DCC: variants seen among roughly 807,000 people sequenced by gnomAD.
DCC encodes netrin receptor DCC.
Under a neutral mutation model 172.5 loss-of-function variants are expected in DCC, and 58 were observed. That is an observed-to-expected ratio of 0.34 (90% CI 0.27 to 0.42). DCC has a LOEUF of 0.42. Ranked by LOEUF, DCC falls within the 10% of genes least tolerant of loss-of-function variation. The pLI is 1.00. For missense variants in DCC, 1,740 were observed against 1,791.0 expected, an observed-to-expected ratio of 0.97 and a Z score of 0.51; for synonymous variants, 709 against 644.5, an observed-to-expected ratio of 1.10 and a Z score of -1.52.
chr18:53,477,689 A>C (rs2045782595), intron 25 of DCC, among the ~76,000 whole-genome samples: 1 of 152,218 alleles, frequency 6.6e-6, no homozygotes, highest in African/African-American at 2.4e-5. Context: ...CTTAAAACTC[A>C]CAGAGAAAAT....
chr18:52,841,805 C>T (rs558524534), intron 2 of DCC, among the ~76,000 whole-genome samples: 1 of 152,036 alleles, frequency 6.6e-6, no homozygotes, highest in Non-Finnish European at 1.5e-5. Flanking sequence ...GCCATTCCCC[C>T]CTCCTCCCAT....
intron 7 of DCC, among the ~76,000 whole-genome samples, chr18:53,081,951 C>T (rs1240688343): frequency 6.6e-6 from 1 of 152,058 alleles, no homozygotes; most frequent in African/African-American, 2.4e-5. Flanking sequence ...TACACTTTTG[C>T]ACAGTCTGTC....
chr18:52,398,358 C>G (rs1157012067), intron 1 of DCC, among the ~76,000 whole-genome samples: 1 of 151,992 alleles, frequency 6.6e-6, no homozygotes, highest in Non-Finnish European at 1.5e-5. Context: ...AAAGTTCATT[C>G]CACTCTCATC....
chr18:52,666,094 C>A (rs1295968653), intron 1 of DCC, among the ~76,000 whole-genome samples: 1 of 152,070 alleles, frequency 6.6e-6, no homozygotes, highest in African/African-American at 2.4e-5. Context: ...CAAGACCAGC[C>A]TGGCCAACAC....
At chr18:53,232,675 A>G (rs2056140935) in intron 12 of DCC, among the ~76,000 whole-genome samples, 1 of 152,180 alleles carries the variant, frequency 6.6e-6, no homozygotes, top group Non-Finnish European at 1.5e-5. Flanking sequence ...GTGTCCGGCT[A>G]AATCGAAAAT....
Position 52,761,908 on chromosome 18 carries a change from C to CAA in DCC, c.412+9550_412+9551dup, listed in dbSNP as rs1222086354. On this transcript the variant is annotated intron_variant, in intron 2 of 28. Transcript: ENST00000442544. The stretch of plus-strand genomic sequence containing the variant: ...TGGGTGAAAGAGTGAGACTCTGTCT[C>CAA]AAAAAAAAAAAAAAAAAGAAAAAAA... 3.8e-3 allele frequency among the ~76,000 whole-genome samples: 184 copies of CAA among 48,256 alleles called. 5 individuals carry two copies. The highest frequency in any genetic ancestry group is 9.6e-3 in the African/African-American group (161 of 16,718). The allele number at this position is 48,256 out of a possible 152,430, so 31.7% of individuals were successfully genotyped here.
intron 5 of DCC, among the ~76,000 whole-genome samples, chr18:53,015,024 A>T (rs1568245663): frequency 6.6e-6 from 1 of 152,204 alleles, no homozygotes; most frequent in African/African-American, 2.4e-5. Context: ...GGGAAGGAAA[A>T]TACAAATGTA....
intron 1 of DCC, among the ~76,000 whole-genome samples, chr18:52,410,504 G>A (rs932274913): frequency 6.6e-6 from 1 of 152,130 alleles, no homozygotes; most frequent in African/African-American, 2.4e-5. Context: ...TATAAGGAAA[G>A]CCTTCACATT....
chr18:53,104,454 C>T (rs2043216424), intron 7 of DCC, among the ~76,000 whole-genome samples: 1 of 152,044 alleles, frequency 6.6e-6, no homozygotes, highest in South Asian at 2.1e-4. Context: ...TAAGATGTGA[C>T]TTGCTCCTCC....
intron 12 of DCC, among the ~76,000 whole-genome samples, chr18:53,228,333 T>C (rs1027847526): frequency 2.0e-5 from 3 of 152,178 alleles, no homozygotes; most frequent in African/African-American, 7.2e-5. Flanking sequence ...CAATGAAGAA[T>C]TTAAAGGTTA....
chr18:53,515,360 C>A (rs1358874131), intron 27 of DCC, among the ~76,000 whole-genome samples: 1 of 150,580 alleles, frequency 6.6e-6, no homozygotes, highest in Non-Finnish European at 1.5e-5. Flanking sequence ...TGGGCAAAAA[C>A]TGGAAGCATT....
intron 12 of DCC, among the ~76,000 whole-genome samples, chr18:53,261,782 A>T (rs2056606896): frequency 6.6e-6 from 1 of 152,140 alleles, no homozygotes; most frequent in African/African-American, 2.4e-5. Flanking sequence ...TACAAGCGTG[A>T]GCCACTGCGA....
intron 1 of DCC, among the ~76,000 whole-genome samples, chr18:52,746,327 A>C (rs1323302158): frequency 6.6e-6 from 1 of 152,212 alleles, no homozygotes. Flanking sequence ...AATTATGCAT[A>C]GCAAGTTCTA....
intron 1 of DCC, among the ~76,000 whole-genome samples, chr18:52,597,454 C>T (rs1047926982): frequency 2.6e-5 from 4 of 152,172 alleles, no homozygotes; most frequent in African/African-American, 7.2e-5. Flanking sequence ...GTCAATATTG[C>T]TTTTGCTACT....
At chr18:53,329,318 T>G (rs900898731) in intron 14 of DCC, among the ~76,000 whole-genome samples, 6 of 152,016 alleles carry the variant, frequency 3.9e-5, no homozygotes, top group South Asian at 2.1e-4. Context: ...TCATAACATT[T>G]TATTACAAAA....
At chr18:52,623,365 A>G (rs1475955829) in intron 1 of DCC, among the ~76,000 whole-genome samples, 1 of 152,174 alleles carries the variant, frequency 6.6e-6, no homozygotes, top group Non-Finnish European at 1.5e-5. Context: ...AGCATTAGGA[A>G]CTGAATCAGG....
rs539812739 is a variant in DCC at position 52,809,718 on chromosome 18, G to A, written c.412+57344G>A. Reference sequence around the variant, plus strand: ...GCCCTAACAAACACAGACCAGAAGAGCGTGCAGTTGCAAGATTTCATAGAG... The same window carrying A: ...GCCCTAACAAACACAGACCAGAAGAACGTGCAGTTGCAAGATTTCATAGAG... On this transcript the variant is annotated intron_variant, in intron 2 of 28. Transcript: ENST00000442544. Among the ~76,000 whole-genome samples, 14 of 152,276 alleles carry A rather than the reference G, an allele frequency of 9.2e-5. No individual in the cohort carries two copies. The South Asian group carries it at 2.9e-3, about 32-fold the overall frequency.
intron 7 of DCC, among the ~76,000 whole-genome samples, chr18:53,071,863 T>G (rs1464052969): frequency 6.6e-6 from 1 of 152,196 alleles, no homozygotes; most frequent in African/African-American, 2.4e-5. Context: ...GTGCAGTGGC[T>G]CACGCCTGTA....
At chr18:52,483,149 G>A (rs560549435) in intron 1 of DCC, among the ~76,000 whole-genome samples, 24 of 151,998 alleles carry the variant, frequency 1.6e-4, no homozygotes, top group African/African-American at 5.3e-4. Flanking sequence ...TGCGAAATCC[G>A]CCTCTGCCTT....
Sources: gnomAD v4.1 joint callset for allele counts (sites outside exome capture counted in the v4.1 genomes callset) on GRCh38, gnomAD v4.1.1 for gene constraint, MANE v1.5 for transcripts, NCBI Gene and HGNC (gene_info 2026-07-23, HGNC 2026-07-21) for gene names.